TIAM2: variants seen among roughly 807,000 people sequenced by gnomAD.
TIAM2 encodes rho guanine nucleotide exchange factor TIAM2.
A neutral mutation model predicts 152.9 loss-of-function variants in TIAM2; 80 were observed. The observed-to-expected ratio is 0.52, with a 90% confidence interval of 0.44 to 0.63. The LOEUF is 0.63. Ranked by LOEUF, TIAM2 falls within the 30% of genes least tolerant of loss-of-function variation. The pLI is 0.00. For missense variants in TIAM2, 1,965 were observed against 2,120.1 expected (o/e 0.93, Z 1.44); for synonymous variants, 804 against 838.0 (o/e 0.96, Z 0.70).
intron 1 of TIAM2, chr6:155,005,108 C>G: frequency 3.7e-6 from 1 of 267,510 alleles, no homozygotes; most frequent in Non-Finnish European, 7.5e-6. Context: ...GTCAGGTTGC[C>G]CAAGGCAAGG....
chr6:155,248,755 A>G (rs1371531103), intron 20 of TIAM2, among the ~76,000 whole-genome samples: 5 of 152,254 alleles, frequency 3.3e-5, no homozygotes, highest in African/African-American at 1.2e-4. Context: ...TTGCAGTTTG[A>G]TAGTAAATAG....
intron 10 of TIAM2, 55 bp downstream of exon 10, chr6:155,177,032 G>A (rs7743200): frequency 6.5e-7 from 1 of 1,539,952 alleles, no homozygotes; most frequent in Non-Finnish European, 8.8e-7. Context: ...CATTAATGTT[G>A]CAATCTTATG....
chr6:155,250,583 G>C (rs1276142404), intron 21 of TIAM2: 4 of 1,535,816 alleles, frequency 2.6e-6, no homozygotes, highest in East Asian at 2.4e-5. Flanking sequence ...AGATCCCAGG[G>C]GAAAGCTTAC....
At chr6:154,997,848 G>T (rs938824824) in intron 1 of TIAM2, among the ~76,000 whole-genome samples, 2 of 151,764 alleles carry the variant, frequency 1.3e-5, no homozygotes, top group Admixed American at 6.6e-5. Context: ...ATGTTGCCCA[G>T]GCTGGTCTCA....
chr6:155,254,712 A>G, intron 26 of TIAM2, 139 bp downstream of exon 26: 1 of 1,098,844 alleles, frequency 9.1e-7, no homozygotes, highest in South Asian at 1.7e-5. Context: ...AGAAACCTAA[A>G]CATGCCTCTT....
rs372008191 is a variant in TIAM2, at chr6:155,017,165, G to C, written c.-209+21673G>C. On this transcript the variant is annotated intron_variant, in intron 1 of 26. Coordinates refer to ENST00000682666, the MANE Select transcript of TIAM2 (RefSeq NM_012454.4). ...ATATTGAAAGGCAGTCTCCCGAGGA[G>C]TCTGGCTGGTCCAGGAGCAGGGATG... 3.2e-4 allele frequency among the ~76,000 whole-genome samples: 48 copies of C among 152,298 alleles called. No homozygotes were observed. The East Asian group carries it at 8.9e-3, about 28-fold the overall frequency.
chr6:155,243,990 CT>C lies in TIAM2; in HGVS notation c.3349-18del, dbSNP rs1395023659. ...TTTGGAGACTAAAGCGTTGAAGACA[CT>C]TTCTTCTATTTTCTTTCAGGATTTG... On this transcript the variant is annotated intron_variant, in intron 16 of 26. Coordinates refer to ENST00000682666, the MANE Select transcript of TIAM2 (RefSeq NM_012454.4). 2 of 1,609,720 alleles carry C rather than the reference CT, an allele frequency of 1.2e-6. No homozygotes were observed. Among genetic ancestry groups the C allele is most frequent in the Admixed American group, 1.7e-5 (1 of 59,808 alleles).
chr6:155,174,701 C>T lies in TIAM2; in HGVS notation c.2362-2115C>T, dbSNP rs571242711. On this transcript the variant is annotated intron_variant, in intron 9 of 26. Coordinates refer to ENST00000682666, the MANE Select transcript of TIAM2 (RefSeq NM_012454.4). The surrounding 1 kb of genome is among the most constrained non-coding windows in gnomAD (Gnocchi z 4.2). ...ACAGTCTTTCTCTGATTGTCAGTAA[C>T]GGTGAGAACAAGAGGGTGTGAAGGC... Among the ~76,000 whole-genome samples the T allele has an allele frequency of 4.1e-4, 62 of 152,260 alleles. No individual in the cohort carries two copies. The highest frequency in any genetic ancestry group is 7.4e-4 in the Non-Finnish European group (50 of 68,026).
intron 14 of TIAM2, among the ~76,000 whole-genome samples, chr6:155,200,970 ACGCTCCAACCCC>A (rs1562351827): frequency 1.3e-5 from 2 of 152,190 alleles, no homozygotes; most frequent in South Asian, 2.1e-4. Context: ...CTTATCCTCC[ACGCTCCAACCCC>A]CGCTCCTGGC....
intron 2 of TIAM2, among the ~76,000 whole-genome samples, chr6:155,116,725 T>C (rs1051108946): frequency 2.0e-5 from 3 of 152,156 alleles, no homozygotes; most frequent in Admixed American, 1.3e-4. Context: ...CAGCGCATGA[T>C]GCTGTTTAAG....
At chr6:155,201,443 C>T (rs1454158554) in intron 14 of TIAM2, among the ~76,000 whole-genome samples, 1 of 152,150 alleles carries the variant, frequency 6.6e-6, no homozygotes. Flanking sequence ...GGGGTGTCCT[C>T]CCAGTACTAG....
In TIAM2 at chr6:155,130,160, C is replaced by G. The variant is rs747297698; in HGVS notation, c.937C>G (p.Pro313Ala). 6.2e-7 allele frequency: 1 copy of G among 1,614,066 alleles called. No homozygotes were observed. The highest frequency in any genetic ancestry group is 1.3e-5 in the African/African-American group (1 of 74,926). ...YKDANLGSLS[P>A]SGIRLSDEYM... is the part of the protein sequence containing the mutation. ...AGATGCCAACCTGGGGAGCCTCTCCCCCTCAGGTATCCGCCTTTCTGATGA... is the reference window on the plus strand; with the variant it reads ...AGATGCCAACCTGGGGAGCCTCTCCGCCTCAGGTATCCGCCTTTCTGATGA... Residue 313 changes from proline (P) to alanine (A), a missense_variant, in exon 4 of 27, where the codon CCC (proline) becomes GCC (alanine). Physicochemically the swap from Pro to Ala is conservative, Grantham distance 27. Around this residue, in one of 3 missense-constraint regions of TIAM2, gnomAD observed 1,025 missense variants for 1,119.4 expected, o/e 0.92. Coordinates refer to ENST00000682666, the MANE Select transcript of TIAM2 (RefSeq NM_012454.4).
chr6:155,000,778 G>C (rs1318451079), intron 1 of TIAM2, among the ~76,000 whole-genome samples: 1 of 152,160 alleles, frequency 6.6e-6, no homozygotes, highest in Non-Finnish European at 1.5e-5. Flanking sequence ...GAGGTTGGGA[G>C]TTCAAGACCA....
Position 155,179,443 on chromosome 6 carries a change from T to C in TIAM2, c.2694T>C (p.Ser898=). 3.1e-6 allele frequency: 5 copies of C among 1,612,512 alleles called. No homozygotes were observed. The highest frequency in any genetic ancestry group is 4.2e-6 in the Non-Finnish European group (5 of 1,179,552). ...ACGTGCAGCTCACGAAGACTGGGAG[T>C]GTGTGTGACTTTGGTGAGTGTAAGG... is the stretch of plus-strand genomic sequence containing the variant. ...VYDVQLTKTG[S]VCDFGFAVTA... The change falls in exon 12 of 27, where the codon AGT becomes AGC. Residue 898 remains serine (S), a synonymous_variant. Transcript: ENST00000682666.
chr6:155,015,949 A>C (rs2475873), intron 1 of TIAM2, among the ~76,000 whole-genome samples: 35,766 of 148,068 alleles, frequency 0.24, 6,047 homozygotes, highest in African/African-American at 0.43. Context: ...AAAACCAAAA[A>C]AAAAAAAAAA....
At position 155,137,595 on chromosome 6, in the gene TIAM2, A is replaced by T. The variant is rs1432804158; in HGVS notation, c.1613A>T (p.Tyr538Phe). The change falls in exon 5 of 27, where the codon TAC becomes TTC. Residue 538 changes from tyrosine (Y) to phenylalanine (F), a missense_variant. Coordinates refer to ENST00000682666, the MANE Select transcript of TIAM2 (RefSeq NM_012454.4). ...ELVARRKWKQYWVTLKGCTLL... is the reference protein window; with the variant it reads ...ELVARRKWKQFWVTLKGCTLL... Reference sequence around the variant, plus strand: ...GTGGCACGAAGGAAATGGAAACAGTACTGGGTAACGCTGAAAGGTGAGTGC... The same window carrying T: ...GTGGCACGAAGGAAATGGAAACAGTTCTGGGTAACGCTGAAAGGTGAGTGC... 14 of 1,597,510 alleles carry T rather than the reference A, an allele frequency of 8.8e-6. No individual in the cohort carries two copies. Among genetic ancestry groups the T allele is most frequent in the Non-Finnish European group, 1.2e-5 (14 of 1,176,172 alleles).
intron 10 of TIAM2, among the ~76,000 whole-genome samples, chr6:155,178,401 T>C (rs1780811251): frequency 6.6e-6 from 1 of 152,180 alleles, no homozygotes; most frequent in African/African-American, 2.4e-5. Flanking sequence ...AGGCTTAACC[T>C]AACTAAAGAG....
At chr6:155,241,714 A>T (rs1783044060) in intron 16 of TIAM2, among the ~76,000 whole-genome samples, 1 of 152,174 alleles carries the variant, frequency 6.6e-6, no homozygotes, top group African/African-American at 2.4e-5. Flanking sequence ...AAGGAAAGTT[A>T]GGAGAGATGA....
intron 1 of TIAM2, among the ~76,000 whole-genome samples, chr6:155,028,813 T>C (rs1482941972): frequency 3.0e-5 from 4 of 135,310 alleles, no homozygotes; most frequent in African/African-American, 1.1e-4. Flanking sequence ...ATACTATATA[T>C]AATATATATA....
Sources: gnomAD v4.1 joint callset for allele counts (sites outside exome capture counted in the v4.1 genomes callset) on GRCh38, gnomAD v4.1.1 for gene constraint, gnomAD v4.1.1 regional missense constraint, Gnocchi (gnomAD v3.1) non-coding constraint, MANE v1.5 for transcripts, NCBI Gene and HGNC (gene_info 2026-07-23, HGNC 2026-07-21) for gene names.